Variants in CAMTA1 observed in about 807,000 individuals in gnomAD.
The protein encoded by CAMTA1 is calmodulin binding transcription activator 1.
In CAMTA1, 27 loss-of-function variants were observed where a neutral mutation model predicts 170.9. That is an observed-to-expected ratio of 0.16 (90% CI 0.12 to 0.22). The LOEUF is 0.22. CAMTA1 is among the 10% of genes least tolerant of loss of function. The pLI is 1.00. For missense variants in CAMTA1, 1,619 were observed against 2,217.2 expected (o/e 0.73, Z 5.42); for synonymous variants, 833 against 891.5 (o/e 0.93, Z 1.17).
chr1:7,732,392 T>A lies in CAMTA1; in HGVS notation c.2915-56T>A. ...GTCCCGCAAGGCTGGCGAGGCCACG[T>A]GTTGACTGCTTTTCTTCCAGAACAC... On this transcript the variant is annotated intron_variant, in intron 11 of 22. Transcript: ENST00000303635. The surrounding 1 kb of genome is among the most constrained non-coding windows in gnomAD (Gnocchi z 4.1). 6.5e-7 allele frequency: 1 copy of A among 1,527,920 alleles called. No individual in the cohort carries two copies. The highest frequency in any genetic ancestry group is 9.1e-7 in the Non-Finnish European group (1 of 1,103,242). The allele number at this position is 1,527,920 out of a possible 1,614,324, so 94.6% of individuals were successfully genotyped here.
At chr1:7,445,849 T>C (rs745974779) in intron 5 of CAMTA1, among the ~76,000 whole-genome samples, 8 of 152,188 alleles carry the variant, frequency 5.3e-5, no homozygotes, top group African/African-American at 7.2e-5. Context: ...TGTCACCGGA[T>C]GTCAGCCTTG....
At chr1:7,423,980 G>C (rs1206759028) in intron 5 of CAMTA1, among the ~76,000 whole-genome samples, 1 of 152,166 alleles carries the variant, frequency 6.6e-6, no homozygotes, top group Non-Finnish European at 1.5e-5. Flanking sequence ...AGGGAGCACT[G>C]TGAGCTATTT....
intron 6 of CAMTA1, among the ~76,000 whole-genome samples, chr1:7,599,791 G>C (rs1321601617): frequency 1.3e-5 from 2 of 152,170 alleles, no homozygotes; most frequent in Non-Finnish European, 1.5e-5. Context: ...CATTGATTTT[G>C]TATCCTGAGA....
At chr1:7,678,230 C>G (rs2096143972) in intron 11 of CAMTA1, among the ~76,000 whole-genome samples, 1 of 152,250 alleles carries the variant, frequency 6.6e-6, no homozygotes, top group Non-Finnish European at 1.5e-5. Context: ...AATTTGGGGG[C>G]TTGCTTCTGC....
At chr1:6,845,208 C>T (rs1657569382) in intron 3 of CAMTA1, among the ~76,000 whole-genome samples, 1 of 152,180 alleles carries the variant, frequency 6.6e-6, no homozygotes, top group African/African-American at 2.4e-5. Context: ...GCAATCACTT[C>T]TCTAGGTCTG....
intron 5 of CAMTA1, among the ~76,000 whole-genome samples, chr1:7,353,348 T>C (rs994883600): frequency 6.6e-6 from 1 of 151,868 alleles, no homozygotes; most frequent in Non-Finnish European, 1.5e-5. Context: ...TAGCCACCTA[T>C]GCAGTGACTC....
chr1:6,992,553 G>A (rs1314894161), intron 3 of CAMTA1, among the ~76,000 whole-genome samples: 3 of 152,202 alleles, frequency 2.0e-5, no homozygotes, highest in Non-Finnish European at 4.4e-5. Context: ...CTGAGACTGG[G>A]TAATTTATCA....
chr1:7,629,103 A>T (rs565168200), intron 6 of CAMTA1, among the ~76,000 whole-genome samples: 5 of 152,292 alleles, frequency 3.3e-5, no homozygotes, highest in African/African-American at 1.2e-4. Context: ...ATAAATCAAA[A>T]ATTAGTTCAA....
chr1:7,713,617 G>T (rs948816208), intron 11 of CAMTA1, among the ~76,000 whole-genome samples: 1 of 152,170 alleles, frequency 6.6e-6, no homozygotes, highest in Non-Finnish European at 1.5e-5. Flanking sequence ...AACATTTTGT[G>T]TTTGCTGATC....
At chr1:7,466,910 T>C (rs1193235) in intron 5 of CAMTA1, among the ~76,000 whole-genome samples, 93,481 of 151,960 alleles carry the variant, frequency 0.62, 30,129 homozygotes, top group African/African-American at 0.79. Flanking sequence ...CACTCAGACC[T>C]TCCAGCTGGA....
At position 7,072,896 on chromosome 1, in the gene CAMTA1, A is replaced by G. The variant is rs1364234615; in HGVS notation, c.235-18408A>G. Among the ~76,000 whole-genome samples, 6 of 152,330 alleles carry G rather than the reference A, an allele frequency of 3.9e-5. No individual in the cohort carries two copies. The South Asian group carries it at 1.2e-3, about 32-fold the overall frequency. On this transcript the variant is annotated intron_variant, in intron 3 of 22. Transcript: ENST00000303635. ...TAGATCAGAGGAATCCTGGGGCCAG[A>G]TCATGCAGGACAGATAGGTCATTGG...
At chr1:7,376,917 G>A (rs2086883062) in intron 5 of CAMTA1, among the ~76,000 whole-genome samples, 1 of 152,162 alleles carries the variant, frequency 6.6e-6, no homozygotes, top group African/African-American at 2.4e-5. Context: ...GTGTCCAAAG[G>A]CTCTAATGGA....
chr1:7,296,926 AG>A (rs902785369), intron 5 of CAMTA1, among the ~76,000 whole-genome samples: 6 of 152,184 alleles, frequency 3.9e-5, no homozygotes, highest in Non-Finnish European at 8.8e-5. Context: ...ATGGAGACAC[AG>A]GGGGCAAGAA....
At chr1:6,868,318 T>TTTAAAAA (rs1553169531) in intron 3 of CAMTA1, among the ~76,000 whole-genome samples, 1 of 134,034 alleles carries the variant, frequency 7.5e-6, no homozygotes, top group African/African-American at 2.9e-5. Flanking sequence ...TTTTTTTTTT[T>TTTAAAAA]AAAAACAAAA....
intron 5 of CAMTA1, among the ~76,000 whole-genome samples, chr1:7,404,549 C>T (rs1487408134): frequency 6.6e-6 from 1 of 152,234 alleles, no homozygotes; most frequent in Non-Finnish European, 1.5e-5. Flanking sequence ...TGTGGGGTGA[C>T]ACTGTCTATG....
At chr1:7,145,609 A>C (rs1394388492) in intron 4 of CAMTA1, among the ~76,000 whole-genome samples, 2 of 152,164 alleles carry the variant, frequency 1.3e-5, no homozygotes, top group East Asian at 3.9e-4. Context: ...TGTGTAGGGA[A>C]GGCAAAGACA....
Position 7,745,779 on chromosome 1 carries a change from TTAATATC to T in CAMTA1, c.4371-61_4371-55del. On this transcript the variant is annotated intron_variant, in intron 17 of 22. Transcript: ENST00000303635. ...GGCAGATACCATCTTGGCTCATTCATTAATATCTAATGGGTGGTGCAAATCAATCATT... is the reference window on the plus strand; with the variant it reads ...GGCAGATACCATCTTGGCTCATTCATTAATGGGTGGTGCAAATCAATCATT... 1.9e-6 allele frequency: 3 copies of T among 1,592,524 alleles called. No homozygotes were observed. In the Admixed American group the frequency reaches 5.0e-5, roughly 27 times the overall value.
chr1:7,749,888 G>A (rs1247233862), intron 19 of CAMTA1: 2 of 441,084 alleles, frequency 4.5e-6, no homozygotes, highest in African/African-American at 4.0e-5. Flanking sequence ...AGATGGCACA[G>A]TCATGGAGTA....
At chr1:7,298,190 A>G (rs1477828070) in intron 5 of CAMTA1, among the ~76,000 whole-genome samples, 2 of 152,210 alleles carry the variant, frequency 1.3e-5, no homozygotes, top group African/African-American at 4.8e-5. Flanking sequence ...ATGGCAAGCT[A>G]CAGGGCTGAG....
Sources: gnomAD v4.1 joint callset for allele counts (sites outside exome capture counted in the v4.1 genomes callset) on GRCh38, gnomAD v4.1.1 for gene constraint, Gnocchi (gnomAD v3.1) non-coding constraint, MANE v1.5 for transcripts, NCBI Gene and HGNC (gene_info 2026-07-23, HGNC 2026-07-21) for gene names.